ABI3BP: variants seen among roughly 807,000 people sequenced by gnomAD.
ABI3BP encodes the protein ABI family member 3 binding protein, also known as target of Nesh-SH3.
In ABI3BP, 216 loss-of-function variants were observed where a neutral mutation model predicts 268.6. The observed-to-expected ratio is 0.80, with a 90% CI of 0.72 to 0.90. The LOEUF (loss-of-function observed/expected upper bound fraction) is 0.90, where lower values mean the gene tolerates loss of function less well. Ranked by LOEUF, ABI3BP falls within the 40% of genes least tolerant of loss-of-function variation. The probability of loss-of-function intolerance (pLI) is 0.00; values close to 1 mark genes in which losing one functional copy is unlikely to be tolerated. For missense variants in ABI3BP, 2,090 were observed against 2,182.4 expected (o/e 0.96, Z 0.84); for synonymous variants, 730 against 730.0 (o/e 1.00, Z 0.00).
chr3:100,792,050 C>T (rs188845756), intron 55 of ABI3BP, among the ~76,000 whole-genome samples: 1 of 151,584 alleles, frequency 6.6e-6, no homozygotes, highest in African/African-American at 2.4e-5. Flanking sequence ...AGTGTTATAA[C>T]CTAAGTAGGA....
intron 1 of ABI3BP, among the ~76,000 whole-genome samples, chr3:100,979,501 A>T (rs536927346): frequency 6.6e-6 from 1 of 152,358 alleles, no homozygotes; most frequent in East Asian, 1.9e-4. Context: ...GTTAATGCTT[A>T]TCCTTTAATG....
intron 10 of ABI3BP, among the ~76,000 whole-genome samples, chr3:100,866,274 G>T (rs2099050200): frequency 6.6e-6 from 1 of 152,116 alleles, no homozygotes; most frequent in African/African-American, 2.4e-5. Context: ...AAAGATTAAT[G>T]CCTCCCCCCT....
rs183793052 is a variant in ABI3BP, at chr3:100,968,323, G to A, written c.79+24983C>T. Among the ~76,000 whole-genome samples, 383 of 152,282 alleles carry A rather than the reference G, an allele frequency of 2.5e-3. 1 individual carries two copies. Among genetic ancestry groups the A allele is most frequent in the African/African-American group, 8.8e-3 (366 of 41,560 alleles). On this transcript the variant is annotated intron_variant, in intron 1 of 67. Coordinates refer to ENST00000471714, the MANE Select transcript of ABI3BP (RefSeq NM_001375547.2). The stretch of plus-strand genomic sequence containing the variant: ...TTAAAAATCTCTTTTAAAGCACTTG[G>A]AAAGAGAACAGGGATAATCCAATTT...
At position 100,778,361 on chromosome 3, in the gene ABI3BP, G is replaced by A. The variant is rs1260770604; in HGVS notation, c.4256C>T (p.Pro1419Leu). Residue 1419 changes from proline (P) to leucine (L), a missense_variant, in exon 59 of 68, where the codon CCC (proline) becomes CTC (leucine). By Grantham distance (98) the Pro-to-Leu change is moderately conservative. Coordinates refer to ENST00000471714, the MANE Select transcript of ABI3BP (RefSeq NM_001375547.2). ...TGGGTGTGTAGGTCTGGGTGGCAAG[G>A]GTGGGCGGCGAGTCCCTGGGATTGT... is the stretch of plus-strand genomic sequence containing the variant. Reference protein sequence around the residue: ...PTKKPGTRRPPLPPRPTHPRR... With the variant: ...PTKKPGTRRPLLPPRPTHPRR... 4 of 1,600,476 alleles carry A rather than the reference G, an allele frequency of 2.5e-6. No homozygotes were observed. The highest frequency in any genetic ancestry group is 3.4e-6 in the Non-Finnish European group (4 of 1,174,386).
intron 18 of ABI3BP, among the ~76,000 whole-genome samples, chr3:100,848,492 GAT>G (rs2098801062): frequency 2.0e-5 from 3 of 148,162 alleles, no homozygotes; most frequent in Admixed American, 6.7e-5. Context: ...TTTTCCCTGA[GAT>G]AGAGTCTTGC....
intron 1 of ABI3BP, among the ~76,000 whole-genome samples, chr3:100,969,398 A>G (rs1375418023): frequency 6.6e-6 from 1 of 152,208 alleles, no homozygotes; most frequent in Non-Finnish European, 1.5e-5. Flanking sequence ...CCGGCCCCAC[A>G]TCAGGCATCC....
intron 2 of ABI3BP, among the ~76,000 whole-genome samples, chr3:100,903,132 G>C (rs974251164): frequency 2.0e-5 from 3 of 152,110 alleles, no homozygotes; most frequent in Non-Finnish European, 2.9e-5. Context: ...CCTTTCATGG[G>C]AACAGGAATA....
At chr3:100,893,905 G>A (rs780164076) in intron 4 of ABI3BP, among the ~76,000 whole-genome samples, 1 of 152,144 alleles carries the variant, frequency 6.6e-6, no homozygotes, top group South Asian at 2.1e-4. Flanking sequence ...TCAGAATTGT[G>A]TTTCTTGGAA....
At chr3:100,852,126 C>T (rs184519530) in intron 14 of ABI3BP, among the ~76,000 whole-genome samples, 186 bp from the exon 15 acceptor site, 116 of 152,252 alleles carry the variant, frequency 7.6e-4, no homozygotes, top group Non-Finnish European at 1.4e-3. Flanking sequence ...CGCCTTTGGT[C>T]CTTTTTTGCT....
chr3:100,760,949 C>T (rs533439142), intron 63 of ABI3BP, among the ~76,000 whole-genome samples: 2 of 151,944 alleles, frequency 1.3e-5, no homozygotes, highest in Non-Finnish European at 2.9e-5. Flanking sequence ...ACTCATGTCA[C>T]AGGAGTTCGT....
At chr3:100,774,758 C>G in intron 60 of ABI3BP, 85 bp from the exon 61 acceptor site, 1 of 1,064,950 alleles carries the variant, frequency 9.4e-7, no homozygotes, top group Non-Finnish European at 1.3e-6. Context: ...TAAAGATATT[C>G]AATATTTCTT....
intron 58 of ABI3BP, among the ~76,000 whole-genome samples, 194 bp downstream of exon 58, chr3:100,779,938 G>A (rs2096820903): frequency 6.6e-6 from 1 of 152,132 alleles, no homozygotes; most frequent in Non-Finnish European, 1.5e-5. Context: ...CTTAATTTGT[G>A]CACAGAGCAC....
At chr3:100,786,806 C>T (rs993777482) in intron 57 of ABI3BP, among the ~76,000 whole-genome samples, 1 of 152,058 alleles carries the variant, frequency 6.6e-6, no homozygotes, top group African/African-American at 2.4e-5. Flanking sequence ...TTTCATAAGT[C>T]ATGAATTTAT....
intron 40 of ABI3BP, among the ~76,000 whole-genome samples, chr3:100,819,923 G>A (rs2098161897): frequency 6.8e-6 from 1 of 146,850 alleles, no homozygotes; most frequent in South Asian, 2.2e-4. Flanking sequence ...ACTCCAGCCG[G>A]GGCAACAGAG....
intron 4 of ABI3BP, among the ~76,000 whole-genome samples, chr3:100,890,396 G>C (rs921710577): frequency 6.6e-6 from 1 of 151,684 alleles, no homozygotes; most frequent in Non-Finnish European, 1.5e-5. Flanking sequence ...TTCTCTCTTT[G>C]TCCCACTCTG....
chr3:100,991,794 T>TA (rs2092975648), intron 1 of ABI3BP, among the ~76,000 whole-genome samples: 1 of 152,176 alleles, frequency 6.6e-6, no homozygotes, highest in Admixed American at 6.5e-5. Flanking sequence ...TCTTTCCCAT[T>TA]ATAAATAAAG....
At position 100,749,864 on chromosome 3, in the gene ABI3BP, A is replaced by G; in HGVS notation, c.*631T>C. 2.5e-6 allele frequency: 1 copy of G among 396,156 alleles called. No homozygotes were observed. The highest frequency in any genetic ancestry group is 4.4e-6 in the Non-Finnish European group (1 of 224,884). The allele number at this position is 396,156 out of a possible 1,614,324, so 24.5% of individuals were successfully genotyped here. A position where few individuals can be genotyped will look rare whatever the true frequency, so the allele number is the denominator to read the frequency against. On this transcript the variant is annotated 3_prime_UTR_variant, in exon 68 of 68. Coordinates refer to ENST00000471714, the MANE Select transcript of ABI3BP (RefSeq NM_001375547.2). ...TTTTTAGCTGAAATGAAATTTACTG[A>G]TTCAATCTTTTTAAGAATTTGTGGA... is the stretch of plus-strand genomic sequence containing the variant.
intron 9 of ABI3BP, among the ~76,000 whole-genome samples, chr3:100,874,583 T>C (rs1260227822): frequency 6.6e-6 from 1 of 152,170 alleles, no homozygotes; most frequent in South Asian, 2.1e-4. Flanking sequence ...TACATATGTA[T>C]TTTGAAGATT....
At chr3:100,781,839 G>A (rs1404852858) in intron 57 of ABI3BP, among the ~76,000 whole-genome samples, 4 of 152,050 alleles carry the variant, frequency 2.6e-5, no homozygotes, top group South Asian at 2.1e-4. Flanking sequence ...CCTTACAACC[G>A]TCTGTGTGTG....
Sources: allele counts gnomAD v4.1 joint callset (sites outside exome capture counted in the v4.1 genomes callset), GRCh38; gene constraint gnomAD v4.1.1; transcripts MANE v1.5; gene names NCBI Gene and HGNC (gene_info 2026-07-23, HGNC 2026-07-21).